The following PCDHA11 variants were observed in gnomAD, a reference collection of about 807,000 sequenced individuals.
PCDHA11 encodes the protein protocadherin alpha-11.
PCDHA11 carries 61 observed loss-of-function variants against 70.3 expected under a neutral mutation model. That is an observed-to-expected ratio of 0.87 (90% confidence interval 0.71 to 1.07). PCDHA11 has a LOEUF of 1.07. Ranked by LOEUF, PCDHA11 falls within the 50% of genes least tolerant of loss-of-function variation. The probability of loss-of-function intolerance (pLI) is 0.00; values close to 1 mark genes in which losing one functional copy is unlikely to be tolerated. For synonymous variants in PCDHA11, 633 were observed against 555.1 expected, an observed-to-expected ratio of 1.14 and a Z score of -1.97; for missense variants, 1,324 against 1,237.5, an observed-to-expected ratio of 1.07 and a Z score of -1.05.
intron 1 of PCDHA11, among the ~76,000 whole-genome samples, chr5:140,952,443 C>T (rs1264311770): frequency 6.6e-6 from 1 of 152,128 alleles, no homozygotes; most frequent in East Asian, 1.9e-4. Flanking sequence ...AGGCATAATA[C>T]AGCCAGGCTC....
chr5:140,983,526 A>G (rs1421450953), intron 3 of PCDHA11, among the ~76,000 whole-genome samples: 3 of 152,230 alleles, frequency 2.0e-5, no homozygotes, highest in Admixed American at 2.0e-4. Flanking sequence ...TGCCAAGTAC[A>G]TTGTATGTGT....
intron 3 of PCDHA11, among the ~76,000 whole-genome samples, chr5:140,999,585 G>C (rs1240906342): frequency 6.6e-6 from 1 of 152,152 alleles, no homozygotes; most frequent in Non-Finnish European, 1.5e-5. Flanking sequence ...AAGGGAAATT[G>C]CCTTCCCTAC....
chr5:140,929,306 A>G lies in PCDHA11; in HGVS notation c.2392-49643A>G, dbSNP rs781950847. 9 of 1,572,580 alleles carry G rather than the reference A, an allele frequency of 5.7e-6. No homozygotes were observed. The Admixed American group carries it at 9.0e-5, about 16-fold the overall frequency. On this transcript the variant is annotated intron_variant, in intron 1 of 3. Coordinates refer to ENST00000398640, the MANE Select transcript of PCDHA11 (RefSeq NM_018902.5). The stretch of plus-strand genomic sequence containing the variant: ...CAGATTCGGAATAGGAAAGGGGATC[A>G]CGCTAATGTCAATGCCATGGTAAGC...
chr5:140,891,755 G>C (rs1489884923), intron 1 of PCDHA11, among the ~76,000 whole-genome samples: 2 of 152,114 alleles, frequency 1.3e-5, no homozygotes, highest in Non-Finnish European at 2.9e-5. Flanking sequence ...CAACAGTGTT[G>C]GGAGGTGGGG....
intron 3 of PCDHA11, among the ~76,000 whole-genome samples, chr5:141,005,559 G>A (rs980622255): frequency 6.6e-6 from 1 of 151,190 alleles, no homozygotes; most frequent in Admixed American, 6.6e-5. Flanking sequence ...AAAATTAGCC[G>A]GGCATGGTGG....
chr5:140,929,992 C>T (rs1015837723), intron 1 of PCDHA11: 7 of 152,300 alleles, frequency 4.6e-5, no homozygotes, highest in East Asian at 1.9e-4. Flanking sequence ...TTGGGAATGA[C>T]ACCCTAAAAC....
chr5:140,869,940 C>T lies in PCDHA11; in HGVS notation c.837C>T (p.Tyr279=). The T allele has an allele frequency of 6.2e-7, 1 of 1,612,138 alleles. No individual in the cohort carries two copies. The highest frequency in any genetic ancestry group is 1.3e-5 in the African/African-American group (1 of 75,018). ...RDEGVNGEVT[Y]SLMSIKPNGR... ...AAGGAGTCAATGGAGAGGTAACATA[C>T]TCCTTAATGTCAATTAAGCCCAATG... Residue 279 remains tyrosine, a synonymous_variant, in exon 1 of 4, where the codon TAC becomes TAT. Coordinates refer to ENST00000398640, the MANE Select transcript of PCDHA11 (RefSeq NM_018902.5).
intron 3 of PCDHA11, among the ~76,000 whole-genome samples, chr5:140,996,816 A>G (rs1587722851): frequency 6.6e-6 from 1 of 152,264 alleles, no homozygotes; most frequent in Non-Finnish European, 1.5e-5. Flanking sequence ...TTCCAAAAGT[A>G]ACCACTACCA....
At chr5:140,875,644 G>A in intron 1 of PCDHA11, 1 of 1,613,736 alleles carries the variant, frequency 6.2e-7, no homozygotes, top group Non-Finnish European at 8.5e-7. Flanking sequence ...GGAGCTGGCG[G>A]AGCTGGTGCC....
rs567371259 is a variant in PCDHA11, at chr5:140,910,950, G to A, written c.2391+39456G>A. ...TAAGAAAGCTCAAGCAGTTCTTTTC[G>A]AGTGTAGCACACCTCCTCATGGGTT... On this transcript the variant is annotated intron_variant, in intron 1 of 3. Coordinates refer to ENST00000398640, the MANE Select transcript of PCDHA11 (RefSeq NM_018902.5). Among the ~76,000 whole-genome samples, 203 of 152,092 alleles carry A rather than the reference G, an allele frequency of 1.3e-3. 1 individual carries two copies. Among genetic ancestry groups the A allele is most frequent in the Non-Finnish European group, 2.4e-3 (165 of 68,000 alleles).
intron 1 of PCDHA11, among the ~76,000 whole-genome samples, chr5:140,977,003 T>G (rs1382476176): frequency 6.6e-6 from 1 of 152,248 alleles, no homozygotes; most frequent in Non-Finnish European, 1.5e-5. Flanking sequence ...AGAAATCTTG[T>G]AACTGTGATT....
intron 1 of PCDHA11, among the ~76,000 whole-genome samples, chr5:140,912,652 G>C (rs555103404): frequency 1.4e-4 from 21 of 152,250 alleles, no homozygotes; most frequent in African/African-American, 5.1e-4. Context: ...TTGAATAGAA[G>C]TGGTGAAAAT....
chr5:140,934,053 G>A (rs2089601827), intron 1 of PCDHA11, among the ~76,000 whole-genome samples: 1 of 151,758 alleles, frequency 6.6e-6, no homozygotes, highest in African/African-American at 2.4e-5. Flanking sequence ...GTCTTTCCAA[G>A]GCTAACTTTT....
chr5:140,990,984 A>G (rs1213067851), intron 3 of PCDHA11, among the ~76,000 whole-genome samples: 4 of 152,200 alleles, frequency 2.6e-5, no homozygotes, highest in Admixed American at 6.5e-5. Context: ...AAGGAAGACA[A>G]TAGCTACCAT....
At chr5:140,989,105 T>A (rs550881823) in intron 3 of PCDHA11, 1 of 152,350 alleles carries the variant, frequency 6.6e-6, no homozygotes, top group Non-Finnish European at 1.5e-5. Context: ...GAAACAACTT[T>A]TGAATATATC....
At chr5:140,931,246 C>A (rs2087398062) in intron 1 of PCDHA11, among the ~76,000 whole-genome samples, 1 of 152,114 alleles carries the variant, frequency 6.6e-6, no homozygotes, top group East Asian at 1.9e-4. Flanking sequence ...ACTTTTCCTA[C>A]CAAGAAATTT....
At chr5:141,007,426 G>A (rs1255100179) in intron 3 of PCDHA11, among the ~76,000 whole-genome samples, 4 of 151,118 alleles carry the variant, frequency 2.6e-5, no homozygotes, top group Non-Finnish European at 5.9e-5. Flanking sequence ...AAATTAGCCA[G>A]GCATGGTGGC....
rs1234453098 is a variant in PCDHA11, at chr5:141,010,058, C to A, written c.*121C>A. 2 of 1,600,982 alleles carry A rather than the reference C, an allele frequency of 1.2e-6. No homozygotes were observed. The highest frequency in any genetic ancestry group is 1.7e-6 in the Non-Finnish European group (2 of 1,173,736). Reference sequence around the variant, plus strand: ...GAGCCCTCTTAGAGACCTCAGAAATCTGCAGAAAGTTCCCTGTGTCTGTCT... The same window carrying A: ...GAGCCCTCTTAGAGACCTCAGAAATATGCAGAAAGTTCCCTGTGTCTGTCT... On this transcript the variant is annotated 3_prime_UTR_variant, in exon 4 of 4. Transcript: ENST00000398640.
At position 140,927,496 on chromosome 5, in the gene PCDHA11, G is replaced by A. The variant is rs1206944698; in HGVS notation, c.2392-51453G>A. ...CGAACAGCGCGCCACCCACCTGCTG[G>A]TGCTTACAGCTCGGGACGGCGGGCT... On this transcript the variant is annotated intron_variant, in intron 1 of 3. Coordinates refer to ENST00000398640, the MANE Select transcript of PCDHA11 (RefSeq NM_018902.5). 10 of 1,614,026 alleles carry A rather than the reference G, an allele frequency of 6.2e-6. No individual in the cohort carries two copies. In the African/African-American group the frequency reaches 8.0e-5, roughly 13 times the overall value.
Sources: allele counts gnomAD v4.1 joint callset (sites outside exome capture counted in the v4.1 genomes callset), GRCh38; gene constraint gnomAD v4.1.1; transcripts MANE v1.5; gene names NCBI Gene and HGNC (gene_info 2026-07-23, HGNC 2026-07-21).